GPR158: variants seen among roughly 807,000 people sequenced by gnomAD.
The protein encoded by GPR158 is metabotropic glycine receptor.
A neutral mutation model predicts 78.2 loss-of-function variants in GPR158; 30 were observed. The observed-to-expected ratio is 0.38, with a 90% CI of 0.29 to 0.52. GPR158 has a LOEUF of 0.52. GPR158 is among the 20% of genes least tolerant of loss of function. The pLI is 0.83. For missense variants in GPR158, 1,463 were observed against 1,523.5 expected (o/e 0.96, Z 0.66); for synonymous variants, 581 against 591.1 (o/e 0.98, Z 0.25).
At chr10:25,579,033 A>T (rs1157540727) in intron 7 of GPR158, among the ~76,000 whole-genome samples, 1 of 116,246 alleles carries the variant, frequency 8.6e-6, no homozygotes, top group East Asian at 2.7e-4. Context: ...TAAAAATAAA[A>T]AAATAAAGAT....
At chr10:25,415,325 A>G (rs1035170406) in intron 4 of GPR158, among the ~76,000 whole-genome samples, 1 of 152,144 alleles carries the variant, frequency 6.6e-6, no homozygotes, top group African/African-American at 2.4e-5. Flanking sequence ...CAATAAAAAG[A>G]TAAGTAAAAC....
At chr10:25,278,993 G>A (rs191278742) in intron 2 of GPR158, among the ~76,000 whole-genome samples, 4 of 151,940 alleles carry the variant, frequency 2.6e-5, no homozygotes, top group African/African-American at 9.7e-5. Context: ...GTGAAATTAT[G>A]AGCTTTAAAT....
At chr10:25,193,075 A>ATATAAGT (rs1852795603) in intron 1 of GPR158, among the ~76,000 whole-genome samples, 1 of 152,212 alleles carries the variant, frequency 6.6e-6, no homozygotes, top group Non-Finnish European at 1.5e-5. Flanking sequence ...GTTTATCAGA[A>ATATAAGT]CATAAGTTGA....
At chr10:25,396,165 G>T (rs1588843844) in intron 3 of GPR158, 152 bp downstream of exon 3, 1 of 500,426 alleles carries the variant, frequency 2.0e-6, no homozygotes, top group South Asian at 3.2e-5. Flanking sequence ...GTTTTAGTTT[G>T]TCATCTACAA....
At chr10:25,365,273 A>G (rs1462222715) in intron 2 of GPR158, among the ~76,000 whole-genome samples, 6 of 147,456 alleles carry the variant, frequency 4.1e-5, no homozygotes, top group African/African-American at 1.6e-4. Context: ...CCCCATTTAA[A>G]CAATATTTAA....
chr10:25,469,783 CA>C (rs34432893), intron 5 of GPR158, among the ~76,000 whole-genome samples: 1,206 of 47,356 alleles, frequency 0.025, 3 homozygotes, highest in African/African-American at 0.048. Context: ...GACTCCATCT[CA>C]AAAAAAAAAA....
At chr10:25,559,079 T>A (rs1046450610) in intron 6 of GPR158, among the ~76,000 whole-genome samples, 1 of 152,246 alleles carries the variant, frequency 6.6e-6, no homozygotes, top group African/African-American at 2.4e-5. Context: ...ATTTGTCTAT[T>A]TTCTTCACTG....
At chr10:25,538,281 C>CT (rs1176611257) in intron 5 of GPR158, among the ~76,000 whole-genome samples, 4 of 151,828 alleles carry the variant, frequency 2.6e-5, no homozygotes, top group Admixed American at 2.0e-4. Context: ...AGATGAATAT[C>CT]TTTTTTTTAA....
chr10:25,325,374 G>T (rs1479639945), intron 2 of GPR158, among the ~76,000 whole-genome samples: 5 of 151,916 alleles, frequency 3.3e-5, no homozygotes, highest in Admixed American at 3.3e-4. Context: ...AAATGACAAG[G>T]TTTCCTTCTT....
At chr10:25,398,483 C>T (rs1834398108) in intron 3 of GPR158, among the ~76,000 whole-genome samples, 1 of 152,084 alleles carries the variant, frequency 6.6e-6, no homozygotes, top group Non-Finnish European at 1.5e-5. Context: ...ATCTGGTTTA[C>T]CCACATTTGT....
chr10:25,427,646 C>T (rs1365925067), intron 4 of GPR158, among the ~76,000 whole-genome samples: 1 of 152,100 alleles, frequency 6.6e-6, no homozygotes, highest in Non-Finnish European at 1.5e-5. Context: ...GCTTTGCTCA[C>T]ATCACCATAC....
At chr10:25,183,629 A>G (rs1276001326) in intron 1 of GPR158, among the ~76,000 whole-genome samples, 1 of 152,216 alleles carries the variant, frequency 6.6e-6, no homozygotes, top group Non-Finnish European at 1.5e-5. Context: ...AATATCTGTT[A>G]TAATCTTCCT....
At chr10:25,563,637 C>T (rs1836886977) in intron 6 of GPR158, among the ~76,000 whole-genome samples, 1 of 152,098 alleles carries the variant, frequency 6.6e-6, no homozygotes, top group African/African-American at 2.4e-5. Context: ...AGTTAATGCC[C>T]TAAATTTATA....
chr10:25,570,649 C>T (rs1054821872), intron 6 of GPR158, among the ~76,000 whole-genome samples: 2 of 152,084 alleles, frequency 1.3e-5, no homozygotes, highest in African/African-American at 4.8e-5. Context: ...CGGTGGCTCT[C>T]GCCTGTAATA....
chr10:25,480,347 A>G (rs1018020567), intron 5 of GPR158, among the ~76,000 whole-genome samples: 1 of 152,238 alleles, frequency 6.6e-6, no homozygotes, highest in Non-Finnish European at 1.5e-5. Context: ...TACATAACAT[A>G]AAACTTACCA....
At chr10:25,350,633 C>A (rs1855446202) in intron 2 of GPR158, among the ~76,000 whole-genome samples, 2 of 151,978 alleles carry the variant, frequency 1.3e-5, no homozygotes, top group South Asian at 4.1e-4. Flanking sequence ...CATAATCATT[C>A]TCCAGGGAGG....
intron 2 of GPR158, among the ~76,000 whole-genome samples, chr10:25,384,821 A>G (rs1375039877): frequency 1.3e-5 from 2 of 152,120 alleles, no homozygotes; most frequent in Non-Finnish European, 2.9e-5. Flanking sequence ...TTGCTCTGCA[A>G]TTATGTTTAC....
chr10:25,350,041 A>G (rs1855436538), intron 2 of GPR158, among the ~76,000 whole-genome samples: 1 of 151,992 alleles, frequency 6.6e-6, no homozygotes, highest in Admixed American at 6.6e-5. Flanking sequence ...TAAAAGTTGA[A>G]TAAAGTTAAA....
Position 25,599,023 on chromosome 10 carries a change from A to C in GPR158, c.3397A>C (p.Asn1133His). The C allele has an allele frequency of 1.2e-6, 2 of 1,614,052 alleles. No homozygotes were observed. Among genetic ancestry groups the C allele is most frequent in the Non-Finnish European group, 1.7e-6 (2 of 1,180,006 alleles). The change falls in exon 11 of 11, where the codon AAT becomes CAT. Residue 1133 changes from asparagine (N) to histidine (H), a missense_variant. By Grantham distance (68) the Asn-to-His change is moderately conservative. Transcript: ENST00000376351. ...TGTAGCATCAAAAACAGAGAATGAA[A>C]ATCTCAACCAAATAGGACACCAGGA... is the stretch of plus-strand genomic sequence containing the variant. ...KAVASKTENE[N>H]LNQIGHQEKK...
Sources: gnomAD v4.1 joint callset for allele counts (sites outside exome capture counted in the v4.1 genomes callset) on GRCh38, gnomAD v4.1.1 for gene constraint, MANE v1.5 for transcripts, NCBI Gene and HGNC (gene_info 2026-07-23, HGNC 2026-07-21) for gene names.